The following C9 variants were observed in gnomAD, a reference collection of about 807,000 sequenced individuals.
C9 encodes complement component C9.
A neutral mutation model predicts 65.4 loss-of-function variants in C9; 63 were observed. That is an observed-to-expected ratio of 0.96 (90% CI 0.79 to 1.19). The LOEUF (loss-of-function observed/expected upper bound fraction) is 1.19, where lower values mean the gene tolerates loss of function less well. Ranked by LOEUF, C9 falls within the 50% of genes most tolerant of loss-of-function variation. The pLI is 0.00. For missense variants in C9, 744 were observed against 670.1 expected, an observed-to-expected ratio of 1.11 and a Z score of -1.22; for synonymous variants, 229 against 227.9, an observed-to-expected ratio of 1.00 and a Z score of -0.04.
At chr5:39,347,671 T>C (rs1270293455) in intron 1 of C9, among the ~76,000 whole-genome samples, 3 of 152,108 alleles carry the variant, frequency 2.0e-5, no homozygotes, top group Admixed American at 1.3e-4. Flanking sequence ...AAAAACTACT[T>C]TAAAGTTCAT....
intron 4 of C9, among the ~76,000 whole-genome samples, chr5:39,339,249 C>T (rs189078560): frequency 6.6e-6 from 1 of 152,288 alleles, no homozygotes; most frequent in East Asian, 1.9e-4. Context: ...TTGAGATTCC[C>T]ACCTTTAGGC....
intron 1 of C9, among the ~76,000 whole-genome samples, chr5:39,344,026 T>C (rs1754141440): frequency 6.6e-6 from 1 of 152,028 alleles, no homozygotes; most frequent in African/African-American, 2.4e-5. Context: ...CATCTGTACG[T>C]CACCATCATC....
At chr5:39,327,411 A>G (rs1421398899) in intron 5 of C9, among the ~76,000 whole-genome samples, 1 of 152,218 alleles carries the variant, frequency 6.6e-6, no homozygotes, top group Non-Finnish European at 1.5e-5. Context: ...GGAATGGGGA[A>G]TAAGAAACAG....
chr5:39,357,723 T>A (rs1024597658), intron 1 of C9, among the ~76,000 whole-genome samples: 3 of 152,134 alleles, frequency 2.0e-5, no homozygotes, highest in African/African-American at 7.2e-5. Context: ...GTGGTGCTTT[T>A]AAAATATGTC....
chr5:39,342,094 TTGTC>T lies in C9; in HGVS notation c.176_179del (p.Arg59LysfsTer54). 1 of 1,549,112 alleles carries T rather than the reference TTGTC, an allele frequency of 6.5e-7. No individual in the cohort carries two copies. Among genetic ancestry groups the T allele is most frequent in the Non-Finnish European group, 8.9e-7 (1 of 1,120,632 alleles). On this transcript the variant is annotated frameshift_variant, in exon 2 of 11. Transcript: ENST00000263408. LOFTEE classifies it high-confidence loss of function. ...GGGAAGGGAGATGAACACTTACCAT[TTGTC>T]TGAGACAAGGATCGCATTGTGACCA... is the stretch of plus-strand genomic sequence containing the variant.
At chr5:39,305,791 G>GA (rs1579846018) in intron 9 of C9, among the ~76,000 whole-genome samples, 1 of 151,726 alleles carries the variant, frequency 6.6e-6, no homozygotes, top group Non-Finnish European at 1.5e-5. Flanking sequence ...ATAGAAAAAG[G>GA]AAAAAAATCT....
chr5:39,341,836 G>A (rs1754092582), intron 2 of C9, 136 bp from the exon 3 acceptor site: 6 of 847,374 alleles, frequency 7.1e-6, no homozygotes, highest in Admixed American at 6.0e-5. Flanking sequence ...AGTCACTGAT[G>A]TTATTTAGGG....
At position 39,292,060 on chromosome 5, in the gene C9, G is replaced by A. The variant is rs548450134; in HGVS notation, c.1417-3109C>T. 8.6e-4 allele frequency among the ~76,000 whole-genome samples: 130 copies of A among 151,718 alleles called. 1 individual carries two copies. Among genetic ancestry groups the A allele is most frequent in the African/African-American group, 3.0e-3 (124 of 41,412 alleles). On this transcript the variant is annotated intron_variant, in intron 9 of 10. Coordinates refer to ENST00000263408, the MANE Select transcript of C9 (RefSeq NM_001737.5). ...GAAAGAGAATGTGATTGTGGCAGAA[G>A]AAATATTTGAAGATATAATGACCAA...
intron 4 of C9, among the ~76,000 whole-genome samples, chr5:39,335,057 A>C (rs560837917): frequency 1.3e-5 from 2 of 152,146 alleles, no homozygotes; most frequent in Non-Finnish European, 2.9e-5. Context: ...CAAGCTCTCC[A>C]CCAGTAAGAC....
intron 4 of C9, among the ~76,000 whole-genome samples, chr5:39,334,185 G>A (rs1167276993): frequency 1.3e-5 from 2 of 151,442 alleles, no homozygotes; most frequent in South Asian, 2.1e-4. Flanking sequence ...CTTCCCGGCC[G>A]CCATCCCATC....
At chr5:39,309,605 G>T (rs1343433634) in intron 7 of C9, among the ~76,000 whole-genome samples, 1 of 152,148 alleles carries the variant, frequency 6.6e-6, no homozygotes, top group East Asian at 1.9e-4. Context: ...GAAGATGAGG[G>T]TGAAAGATAA....
At chr5:39,287,882 A>G (rs988145817) in intron 10 of C9, among the ~76,000 whole-genome samples, 1 of 151,908 alleles carries the variant, frequency 6.6e-6, no homozygotes, top group African/African-American at 2.4e-5. Flanking sequence ...TACAATGTTC[A>G]CTATTTGGGT....
At chr5:39,334,442 G>GC (rs1753916448) in intron 4 of C9, among the ~76,000 whole-genome samples, 1 of 150,808 alleles carries the variant, frequency 6.6e-6, no homozygotes, top group South Asian at 2.1e-4. Context: ...GAAGTGAGGA[G>GC]CCCCTCCGCC....
chr5:39,349,073 A>G (rs1754269662), intron 1 of C9, among the ~76,000 whole-genome samples: 1 of 152,024 alleles, frequency 6.6e-6, no homozygotes, highest in Non-Finnish European at 1.5e-5. Context: ...CCCAATGTAA[A>G]TGACGAGTTA....
At chr5:39,360,191 G>A (rs1310180678) in intron 1 of C9, among the ~76,000 whole-genome samples, 4 of 152,052 alleles carry the variant, frequency 2.6e-5, no homozygotes, top group Admixed American at 6.6e-5. Context: ...TATGTGTCAC[G>A]AATTCTTCCC....
In C9 at chr5:39,319,718, C is replaced by T. The variant is rs1753633367; in HGVS notation, c.616-3689G>A. On this transcript the variant is annotated intron_variant, in intron 5 of 10. Coordinates refer to ENST00000263408, the MANE Select transcript of C9 (RefSeq NM_001737.5). ...AGGGCCATCCCAGTGCAAAGCCAGC[C>T]CTATTGGCCCCAGGCTCCAGGCCAG... 2.0e-5 allele frequency among the ~76,000 whole-genome samples: 3 copies of T among 151,990 alleles called. No homozygotes were observed. In the South Asian group the frequency reaches 6.2e-4, roughly 31 times the overall value.
intron 5 of C9, among the ~76,000 whole-genome samples, chr5:39,329,738 T>C (rs868253542): frequency 2.6e-5 from 4 of 152,198 alleles, no homozygotes. Context: ...ATGGAGTTGG[T>C]ATTGGTAATA....
intron 1 of C9, among the ~76,000 whole-genome samples, chr5:39,348,795 G>A (rs1374199092): frequency 6.6e-6 from 1 of 152,146 alleles, no homozygotes; most frequent in Non-Finnish European, 1.5e-5. Context: ...TGATAGACTG[G>A]ATTAAGAATA....
At chr5:39,293,283 G>T (rs1403516222) in intron 9 of C9, among the ~76,000 whole-genome samples, 1 of 151,826 alleles carries the variant, frequency 6.6e-6, no homozygotes. Context: ...TGGACAAAAA[G>T]AAATAATAGC....
Sources: allele counts gnomAD v4.1 joint callset (sites outside exome capture counted in the v4.1 genomes callset), GRCh38; gene constraint gnomAD v4.1.1; transcripts MANE v1.5; gene names NCBI Gene and HGNC (gene_info 2026-07-23, HGNC 2026-07-21).